B3GALT1: variants seen among roughly 807,000 people sequenced by gnomAD.
B3GALT1 encodes UDP-Gal:betaGlcNAc beta 1,3-galactosyltransferase, polypeptide 1.
A neutral mutation model predicts 23.2 loss-of-function variants in B3GALT1; 10 were observed. That is an observed-to-expected ratio of 0.43 (90% confidence interval 0.27 to 0.73). B3GALT1 has a LOEUF of 0.73. Ranked by LOEUF, B3GALT1 falls within the 30% of genes least tolerant of loss-of-function variation. The probability of loss-of-function intolerance (pLI) is 0.21; values close to 1 mark genes in which losing one functional copy is unlikely to be tolerated. For synonymous variants in B3GALT1, 156 were observed against 141.5 expected (o/e 1.10, Z -0.73); for missense variants, 299 against 405.4 (o/e 0.74, Z 2.25).
At chr2:167,438,384 G>A (rs977538315) in intron 1 of B3GALT1, among the ~76,000 whole-genome samples, 2 of 152,216 alleles carry the variant, frequency 1.3e-5, no homozygotes, top group Non-Finnish European at 2.9e-5. Context: ...ACTCATGTCA[G>A]CTCAGTAGAA....
intron 2 of B3GALT1, among the ~76,000 whole-genome samples, chr2:167,549,646 T>C (rs548631241): frequency 3.3e-5 from 5 of 152,258 alleles, no homozygotes; most frequent in Admixed American, 2.6e-4. Flanking sequence ...TGGGTAGGCA[T>C]AAGCAGCCTC....
chr2:167,788,723 C>A (rs770255721), intron 3 of B3GALT1, among the ~76,000 whole-genome samples: 74 of 151,948 alleles, frequency 4.9e-4, no homozygotes, highest in Non-Finnish European at 1.8e-4. Context: ...GGTTGGGGAC[C>A]CCTAATTTAG....
intron 1 of B3GALT1, among the ~76,000 whole-genome samples, chr2:167,334,505 A>C (rs1648665572): frequency 6.6e-6 from 1 of 152,222 alleles, no homozygotes; most frequent in Non-Finnish European, 1.5e-5. Context: ...TCAGCTTTAA[A>C]CTAAAGATGT....
Position 167,628,963 on chromosome 2 carries a change from G to A in B3GALT1, c.-409-17946G>A, listed in dbSNP as rs986355598. Among the ~76,000 whole-genome samples, 3 of 151,554 alleles carry A rather than the reference G, an allele frequency of 2.0e-5. 1 individual carries two copies. Among genetic ancestry groups the A allele is most frequent in the South Asian group, 2.1e-4 (1 of 4,824 alleles). ...GGGCACATGGTATAGAAGAAAATGC[G>A]CCAGAATCTAGCAATCTAGGTCAAG... On this transcript the variant is annotated intron_variant, in intron 2 of 4. Transcript: ENST00000392690.
At chr2:167,418,892 T>G (rs1227901541) in intron 1 of B3GALT1, among the ~76,000 whole-genome samples, 3 of 152,178 alleles carry the variant, frequency 2.0e-5, no homozygotes, top group African/African-American at 7.2e-5. Flanking sequence ...GTGGGAGGAT[T>G]AACTGGGAGG....
chr2:167,867,169 G>T (rs369317326), intron 4 of B3GALT1, among the ~76,000 whole-genome samples: 1 of 152,032 alleles, frequency 6.6e-6, no homozygotes, highest in African/African-American at 2.4e-5. Flanking sequence ...CTCGTGATCC[G>T]CCCCCCTTGG....
intron 2 of B3GALT1, among the ~76,000 whole-genome samples, chr2:167,576,513 T>C (rs1249991235): frequency 6.9e-6 from 1 of 145,512 alleles, no homozygotes; most frequent in Non-Finnish European, 1.5e-5. Context: ...TCGTTTTTTG[T>C]TTTTCTGTTT....
intron 1 of B3GALT1, among the ~76,000 whole-genome samples, chr2:167,489,422 A>G (rs1699671549): frequency 1.3e-5 from 2 of 152,248 alleles, no homozygotes; most frequent in Admixed American, 6.5e-5. Context: ...CAAGGTTTAC[A>G]AAGAAACAGT....
In B3GALT1 at chr2:167,803,912, A is replaced by C. The variant is rs112334540; in HGVS notation, c.-351-14760A>C. ...TTACGTTAATGGAGGCATATTTCACAGGTCCTTTTGTATTTATGACGACTT... is the reference window on the plus strand; with the variant it reads ...TTACGTTAATGGAGGCATATTTCACCGGTCCTTTTGTATTTATGACGACTT... On this transcript the variant is annotated intron_variant, in intron 3 of 4. Coordinates refer to ENST00000392690, the MANE Select transcript of B3GALT1 (RefSeq NM_020981.4). Among the ~76,000 whole-genome samples the C allele has an allele frequency of 7.4e-3, 1,134 of 152,270 alleles. 15 individuals carry two copies. Among genetic ancestry groups the C allele is most frequent in the African/African-American group, 0.025 (1,059 of 41,552 alleles).
Position 167,800,827 on chromosome 2 carries a change from G to A in B3GALT1, c.-351-17845G>A, listed in dbSNP as rs572871397. Among the ~76,000 whole-genome samples the A allele has an allele frequency of 9.2e-5, 14 of 152,316 alleles. 1 individual carries two copies. The highest frequency in any genetic ancestry group is 1.9e-4 in the African/African-American group (8 of 41,582). On this transcript the variant is annotated intron_variant, in intron 3 of 4. Transcript: ENST00000392690. ...TGAGTCCTTAGAGACCATAAAGAGC[G>A]TAGATGGACAGCTTTCACGTCTTCG...
intron 3 of B3GALT1, among the ~76,000 whole-genome samples, chr2:167,693,006 A>C (rs1396342091): frequency 6.6e-6 from 1 of 151,986 alleles, no homozygotes; most frequent in African/African-American, 2.4e-5. Flanking sequence ...TGACAGCATT[A>C]TAAGTAAAAT....
At chr2:167,822,450 A>G (rs1029474386) in intron 4 of B3GALT1, among the ~76,000 whole-genome samples, 2 of 152,128 alleles carry the variant, frequency 1.3e-5, no homozygotes, top group Non-Finnish European at 2.9e-5. Context: ...GCACCCTCTA[A>G]TTATTTCATA....
chr2:167,422,435 G>A (rs1305882283), intron 1 of B3GALT1, among the ~76,000 whole-genome samples: 1 of 152,172 alleles, frequency 6.6e-6, no homozygotes, highest in African/African-American at 2.4e-5. Context: ...GAAGCAGCCT[G>A]AGCTGAGTAA....
At chr2:167,563,119 C>G (rs1160681125) in intron 2 of B3GALT1, among the ~76,000 whole-genome samples, 1 of 152,036 alleles carries the variant, frequency 6.6e-6, no homozygotes, top group African/African-American at 2.4e-5. Context: ...TTCCATTCCA[C>G]AAAACCGCCA....
intron 3 of B3GALT1, among the ~76,000 whole-genome samples, chr2:167,711,053 T>G (rs1687040703): frequency 6.6e-6 from 1 of 152,068 alleles, no homozygotes; most frequent in South Asian, 2.1e-4. Context: ...CCACTCAAAC[T>G]CATCTTTTAC....
chr2:167,484,883 G>A (rs540721632), intron 1 of B3GALT1, among the ~76,000 whole-genome samples: 214 of 152,268 alleles, frequency 1.4e-3, no homozygotes, highest in South Asian at 3.9e-3. Context: ...ATATTTCAGG[G>A]TAAAATAATT....
intron 3 of B3GALT1, among the ~76,000 whole-genome samples, chr2:167,672,692 A>T (rs909591062): frequency 6.6e-6 from 1 of 152,166 alleles, no homozygotes; most frequent in African/African-American, 2.4e-5. Flanking sequence ...ATAAGGATTA[A>T]ATAATTGAAT....
At chr2:167,494,156 G>A (rs1227799972) in intron 2 of B3GALT1, among the ~76,000 whole-genome samples, 2 of 151,976 alleles carry the variant, frequency 1.3e-5, no homozygotes, top group Non-Finnish European at 2.9e-5. Context: ...CAAACTCATT[G>A]GAGAGACTAG....
At position 167,342,722 on chromosome 2, in the gene B3GALT1, A is replaced by AT. The variant is rs537374253; in HGVS notation, c.-511+49396dup. On this transcript the variant is annotated intron_variant, in intron 1 of 4. Coordinates refer to ENST00000392690, the MANE Select transcript of B3GALT1 (RefSeq NM_020981.4). ...TGTTCCTCTGTAATTCCTTTTCTGCATTTTTTTTGTCTCTTTAACTACAAT... is the reference window on the plus strand; with the variant it reads ...TGTTCCTCTGTAATTCCTTTTCTGCATTTTTTTTTGTCTCTTTAACTACAAT... Among the ~76,000 whole-genome samples, 495 of 151,384 alleles carry AT rather than the reference A, an allele frequency of 3.3e-3. 1 individual carries two copies. Among genetic ancestry groups the AT allele is most frequent in the Non-Finnish European group, 4.7e-3 (320 of 67,818 alleles).
Sources: gnomAD v4.1 joint callset for allele counts (sites outside exome capture counted in the v4.1 genomes callset) on GRCh38, gnomAD v4.1.1 for gene constraint, MANE v1.5 for transcripts, NCBI Gene and HGNC (gene_info 2026-07-23, HGNC 2026-07-21) for gene names.